The following ATG4B variants were observed in gnomAD, a reference collection of about 807,000 sequenced individuals.
ATG4B encodes autophagy related 4B cysteine peptidase, also known as cysteine protease ATG4B.
A neutral mutation model predicts 56.6 loss-of-function variants in ATG4B; 29 were observed. That is an observed-to-expected ratio of 0.51 (90% CI 0.38 to 0.70). The LOEUF (loss-of-function observed/expected upper bound fraction) is 0.70, where lower values mean the gene tolerates loss of function less well. Among genes scored for constraint, ATG4B ranks in the 30% least tolerant of loss-of-function variants. The probability of loss-of-function intolerance (pLI) is 0.00; values close to 1 mark genes in which losing one functional copy is unlikely to be tolerated. For missense variants in ATG4B, 461 were observed against 515.5 expected (o/e 0.89, Z 1.02); for synonymous variants, 224 against 206.1 (o/e 1.09, Z -0.74).
chr2:241,673,457 C>CGCT lies in ATG4B; in HGVS notation c.*1209_*1211dup, dbSNP rs77925329. The CGCT allele has an allele frequency of 0.21, 82,262 of 385,098 alleles. 7,852 individuals are homozygous for CGCT. Among genetic ancestry groups the CGCT allele is most frequent in the East Asian group, 0.27 (3,627 of 13,270 alleles). The allele number at this position is 385,098 out of a possible 1,614,324, so 23.9% of individuals were successfully genotyped here. On this transcript the variant is annotated 3_prime_UTR_variant, in exon 13 of 13. Coordinates refer to ENST00000404914, the MANE Select transcript of ATG4B (RefSeq NM_013325.5). ...CAGCTACTGCGGCGTTGGCAGGACT[C>CGCT]GCTGCTGCTGCTGCTGCTTGTGTAG...
At chr2:241,667,093 C>G (rs939707597) in intron 8 of ATG4B, among the ~76,000 whole-genome samples, 1 of 152,182 alleles carries the variant, frequency 6.6e-6, no homozygotes, top group Non-Finnish European at 1.5e-5. Context: ...TGCAGGGGGT[C>G]CTTGGAACCA....
At chr2:241,640,420 A>G (rs1048736446) in intron 1 of ATG4B, among the ~76,000 whole-genome samples, 2 of 152,216 alleles carry the variant, frequency 1.3e-5, no homozygotes, top group African/African-American at 4.8e-5. Context: ...AGAGTTCTTG[A>G]AGATTCTGCC....
rs1052905354 is a variant in ATG4B at position 241,670,564 on chromosome 2, G to A, written c.958-162G>A. ...AGGGGACCATGCACAGGGCACCCTC[G>A]GAGCTCCGTTCCTGGCCACAGGAGC... On this transcript the variant is annotated intron_variant, in intron 10 of 12. Transcript: ENST00000404914. The A allele has an allele frequency of 1.2e-4, 85 of 692,694 alleles. No individual in the cohort carries two copies. The African/African-American group carries it at 1.2e-3, about 10-fold the overall frequency. The allele number at this position is 692,694 out of a possible 1,614,324, so 42.9% of individuals were successfully genotyped here.
At chr2:241,653,664 G>A (rs2068292173) in intron 4 of ATG4B, 54 bp downstream of exon 4, 2 of 1,501,408 alleles carry the variant, frequency 1.3e-6, no homozygotes, top group Non-Finnish European at 9.1e-7. Context: ...AGGAAGCAAA[G>A]GGGACTGTGG....
At chr2:241,645,902 G>A (rs1168314759) in intron 1 of ATG4B, among the ~76,000 whole-genome samples, 1 of 152,188 alleles carries the variant, frequency 6.6e-6, no homozygotes, top group African/African-American at 2.4e-5. Flanking sequence ...GAGCAGCTTG[G>A]GGCACGGTGT....
chr2:241,642,062 T>A (rs2067906057), intron 1 of ATG4B, among the ~76,000 whole-genome samples: 2 of 151,818 alleles, frequency 1.3e-5, no homozygotes, highest in Admixed American at 1.3e-4. Flanking sequence ...GAATTAATAA[T>A]AACCTACACA....
chr2:241,651,028 C>G lies in ATG4B; in HGVS notation c.29C>G (p.Thr10Ser), dbSNP rs752326049. 3.7e-6 allele frequency: 6 copies of G among 1,613,906 alleles called. No homozygotes were observed. The South Asian group carries it at 5.5e-5, about 15-fold the overall frequency. The change falls in exon 2 of 13, where the codon ACT becomes AGT. Residue 10 changes from threonine to serine, a missense_variant. Transcript: ENST00000404914. The surrounding 1 kb of genome is among the most constrained non-coding windows in gnomAD (Gnocchi z 4.1). MDAATLTYD[T>S]LRFAEFEDFP... ...TCAACAGCTACTCTGACCTACGACA[C>G]TCTCCGGTTTGCTGAGTTTGAAGAT... is the stretch of plus-strand genomic sequence containing the variant.
intron 6 of ATG4B, among the ~76,000 whole-genome samples, chr2:241,657,801 G>A (rs1226930215): frequency 6.6e-6 from 1 of 152,172 alleles, no homozygotes; most frequent in African/African-American, 2.4e-5. Flanking sequence ...TAACAGCAGA[G>A]CCATCTGCAT....
Position 241,651,050 on chromosome 2 carries a change from A to G in ATG4B, c.51A>G (p.Glu17=). 4 of 1,613,964 alleles carry G rather than the reference A, an allele frequency of 2.5e-6. No individual in the cohort carries two copies. The highest frequency in any genetic ancestry group is 3.4e-6 in the Non-Finnish European group (4 of 1,179,894). Residue 17 remains glutamate (E), a synonymous_variant, in exon 2 of 13, where the codon GAA becomes GAG. Transcript: ENST00000404914. The surrounding 1 kb of genome is among the most constrained non-coding windows in gnomAD (Gnocchi z 4.1). ...ACACTCTCCGGTTTGCTGAGTTTGA[A>G]GATTTTCCTGAGACCTCAGAGCCCG... ...TYDTLRFAEF[E]DFPETSEPVW... is the part of the protein sequence containing the mutation.
rs1321613822 is a variant in ATG4B, at chr2:241,642,871, C to CTTTTTTTTTTTTTTTT, written c.10+5147_10+5148insTTTTTTTTTTTTTTTT. ...CTTAAGGTGTACAGCACCTCTCCGT[C>CTTTTTTTTTTTTTTTT]CTTTTTTTTTTTTTTTTTTTTTTTT... On this transcript the variant is annotated intron_variant, in intron 1 of 12. Transcript: ENST00000404914. Among the ~76,000 whole-genome samples the CTTTTTTTTTTTTTTTT allele has an allele frequency of 1.4e-4, 14 of 98,428 alleles. 5 individuals carry two copies. In the East Asian group the frequency reaches 3.0e-3, roughly 21 times the overall value. The allele number at this position is 98,428 out of a possible 152,430, so 64.6% of individuals were successfully genotyped here.
intron 7 of ATG4B, among the ~76,000 whole-genome samples, chr2:241,664,975 G>C (rs1033958084): frequency 1.3e-5 from 2 of 151,830 alleles, no homozygotes; most frequent in Non-Finnish European, 2.9e-5. Flanking sequence ...AGAAAAGTCA[G>C]GGGGCACAGT....
At chr2:241,669,496 C>T (rs996830993) in intron 10 of ATG4B, among the ~76,000 whole-genome samples, 24 of 137,230 alleles carry the variant, frequency 1.7e-4, no homozygotes, top group African/African-American at 5.3e-4. Context: ...AGCTCTGTGG[C>T]TCACACTTTT....
Position 241,668,712 on chromosome 2 carries a change from G to A in ATG4B, c.957+27G>A. On this transcript the variant is annotated intron_variant, in intron 10 of 12. Transcript: ENST00000404914. This position sits in a 1 kb window ranked among gnomAD's most constrained non-coding sequence, Gnocchi z 4.2. ...TACGTGGCGGCCACCTGAGCACACAGGCATTTGGTGCTGAATGCTGTTTGG... is the reference window on the plus strand; with the variant it reads ...TACGTGGCGGCCACCTGAGCACACAAGCATTTGGTGCTGAATGCTGTTTGG... 6.4e-7 allele frequency: 1 copy of A among 1,553,796 alleles called. No individual in the cohort carries two copies. Among genetic ancestry groups the A allele is most frequent in the South Asian group, 1.2e-5 (1 of 83,942 alleles).
chr2:241,654,850 A>C (rs2068346190), intron 5 of ATG4B: 1 of 596,294 alleles, frequency 1.7e-6, no homozygotes, highest in Non-Finnish European at 3.0e-6. Flanking sequence ...ACCCAGGCCC[A>C]GACCCTGGGC....
At chr2:241,658,183 G>A (rs774866361) in intron 6 of ATG4B, among the ~76,000 whole-genome samples, 4 of 152,206 alleles carry the variant, frequency 2.6e-5, no homozygotes, top group South Asian at 4.1e-4. Flanking sequence ...GTGTGGGTGC[G>A]TCTTCGGCAC....
intron 7 of ATG4B, among the ~76,000 whole-genome samples, chr2:241,661,887 G>C (rs1422175391): frequency 6.6e-6 from 1 of 152,190 alleles, no homozygotes; most frequent in Non-Finnish European, 1.5e-5. Context: ...ACTGAATGTA[G>C]GGAGGAAATA....
At chr2:241,652,999 A>C (rs146549216) in intron 3 of ATG4B, among the ~76,000 whole-genome samples, 7,651 of 152,250 alleles carry the variant, frequency 0.05, 378 homozygotes, top group African/African-American at 0.13. Context: ...CGTGCCTGTC[A>C]CATGCCGCGC....
chr2:241,661,802 G>A (rs2068602298), intron 7 of ATG4B, among the ~76,000 whole-genome samples: 1 of 151,924 alleles, frequency 6.6e-6, no homozygotes, highest in African/African-American at 2.4e-5. Flanking sequence ...GGCCAGCCAG[G>A]ACATCCTTAG....
Position 241,673,201 on chromosome 2 carries a change from CTTGTG to C in ATG4B, c.*938_*942del, listed in dbSNP as rs1439652961. 1 of 266,400 alleles carries C rather than the reference CTTGTG, an allele frequency of 3.8e-6. No individual in the cohort carries two copies. The highest frequency in any genetic ancestry group is 7.5e-6 in the Non-Finnish European group (1 of 132,662). 16.5% of individuals were successfully genotyped at this position (266,400 alleles called of 1,614,324 possible). A position where few individuals can be genotyped will look rare whatever the true frequency, so the allele number is the denominator to read the frequency against. On this transcript the variant is annotated 3_prime_UTR_variant, in exon 13 of 13. Transcript: ENST00000404914. ...GCCAAAAGGGGAAAACCACTTGAGT[CTTGTG>C]GTGTGTGGTGGGCAGACACCACAGG...
Sources: allele counts gnomAD v4.1 joint callset (sites outside exome capture counted in the v4.1 genomes callset), GRCh38; gene constraint gnomAD v4.1.1; non-coding constraint Gnocchi (gnomAD v3.1); transcripts MANE v1.5; gene names NCBI Gene and HGNC (gene_info 2026-07-23, HGNC 2026-07-21).